LRRC4C: variants seen among roughly 807,000 people sequenced by gnomAD.
The protein encoded by LRRC4C is leucine-rich repeat-containing protein 4C.
Under a neutral mutation model 33.6 loss-of-function variants are expected in LRRC4C, and 5 were observed. That is an observed-to-expected ratio of 0.15 (90% CI 0.08 to 0.31). The LOEUF is 0.31. LRRC4C is among the 10% of genes least tolerant of loss of function. The probability of loss-of-function intolerance (pLI) is 1.00; values close to 1 mark genes in which losing one functional copy is unlikely to be tolerated. For synonymous variants in LRRC4C, 329 were observed against 302.0 expected, an observed-to-expected ratio of 1.09 and a Z score of -0.93; for missense variants, 560 against 796.7, an observed-to-expected ratio of 0.70 and a Z score of 3.58.
chr11:40,779,865 C>T (rs1950146941), intron 2 of LRRC4C, among the ~76,000 whole-genome samples: 1 of 152,132 alleles, frequency 6.6e-6, no homozygotes, highest in Admixed American at 6.5e-5. Flanking sequence ...CATTGGCTAA[C>T]ATGGATGGTG....
chr11:41,373,244 G>C (rs1467722535), intron 1 of LRRC4C, among the ~76,000 whole-genome samples: 3 of 151,832 alleles, frequency 2.0e-5, no homozygotes, highest in African/African-American at 7.3e-5. Context: ...TATATATACT[G>C]TATTTGACAT....
intron 3 of LRRC4C, among the ~76,000 whole-genome samples, chr11:40,568,700 A>G (rs986038853): frequency 6.6e-6 from 1 of 152,120 alleles, no homozygotes; most frequent in East Asian, 1.9e-4. Flanking sequence ...TAGTAGCCCT[A>G]TCCTGGAATC....
At chr11:40,271,222 C>G (rs1328612813) in intron 4 of LRRC4C, among the ~76,000 whole-genome samples, 1 of 152,144 alleles carries the variant, frequency 6.6e-6, no homozygotes, top group Non-Finnish European at 1.5e-5. Context: ...TTCCAGCAGA[C>G]TATAAGCCCT....
chr11:40,191,095 A>G (rs1379607585), intron 5 of LRRC4C, among the ~76,000 whole-genome samples: 3 of 152,262 alleles, frequency 2.0e-5, no homozygotes, highest in South Asian at 2.1e-4. Flanking sequence ...ACAACACATC[A>G]ATCAACCCAG....
intron 1 of LRRC4C, among the ~76,000 whole-genome samples, chr11:41,130,692 G>C (rs1247455990): frequency 1.3e-5 from 2 of 151,912 alleles, no homozygotes; most frequent in African/African-American, 4.8e-5. Context: ...TTGTTTCATA[G>C]AAAGCTTAGG....
At chr11:41,335,990 CATTT>C (rs1951439471) in intron 1 of LRRC4C, among the ~76,000 whole-genome samples, 1 of 152,124 alleles carries the variant, frequency 6.6e-6, no homozygotes, top group Non-Finnish European at 1.5e-5. Context: ...AATTTAGACC[CATTT>C]ATTTATGGAG....
intron 3 of LRRC4C, among the ~76,000 whole-genome samples, chr11:40,457,215 G>T (rs1952178530): frequency 6.6e-6 from 1 of 151,220 alleles, no homozygotes; most frequent in African/African-American, 2.4e-5. Context: ...TGATTGATAT[G>T]AAGTAGAGAA....
At chr11:40,986,523 T>G (rs1853016351) in intron 1 of LRRC4C, among the ~76,000 whole-genome samples, 1 of 151,798 alleles carries the variant, frequency 6.6e-6, no homozygotes, top group Non-Finnish European at 1.5e-5. Context: ...GTCATGGAGA[T>G]CAAAGCTGCA....
At chr11:40,745,519 A>G (rs1216475490) in intron 2 of LRRC4C, among the ~76,000 whole-genome samples, 1 of 152,222 alleles carries the variant, frequency 6.6e-6, no homozygotes, top group African/African-American at 2.4e-5. Context: ...TTAAATAACG[A>G]CTGAATTAGC....
intron 2 of LRRC4C, among the ~76,000 whole-genome samples, chr11:40,718,183 C>T (rs1002905938): frequency 6.6e-6 from 1 of 152,090 alleles, no homozygotes; most frequent in Non-Finnish European, 1.5e-5. Flanking sequence ...GGGCAGTGGC[C>T]GTCAGTCATG....
intron 1 of LRRC4C, among the ~76,000 whole-genome samples, chr11:41,420,287 C>A (rs1003718423): frequency 2.0e-5 from 3 of 151,906 alleles, no homozygotes; most frequent in Non-Finnish European, 4.4e-5. Flanking sequence ...AGAGGAAAAG[C>A]AGTTCACAGG....
At chr11:40,245,626 C>G (rs1049074257) in intron 4 of LRRC4C, among the ~76,000 whole-genome samples, 3 of 152,032 alleles carry the variant, frequency 2.0e-5, no homozygotes, top group African/African-American at 7.2e-5. Flanking sequence ...ATTCATTAAA[C>G]AAAATTATAG....
chr11:40,956,239 C>T (rs1002341050), intron 1 of LRRC4C, among the ~76,000 whole-genome samples: 1 of 151,726 alleles, frequency 6.6e-6, no homozygotes, highest in Non-Finnish European at 1.5e-5. Flanking sequence ...CATTTCATTC[C>T]TGGATTGTAA....
chr11:40,136,225 A>G (rs1489456511), intron 6 of LRRC4C, among the ~76,000 whole-genome samples: 5 of 151,554 alleles, frequency 3.3e-5, no homozygotes, highest in Non-Finnish European at 7.4e-5. Flanking sequence ...GGTCTCCTAA[A>G]AAAAAAAAAG....
At chr11:40,633,385 T>TTCTCTCTCTCTCTCTCTC (rs1205746867) in intron 3 of LRRC4C, among the ~76,000 whole-genome samples, 9 of 96,210 alleles carry the variant, frequency 9.4e-5, no homozygotes, top group Admixed American at 2.2e-4. Context: ...CTCTCTTTCT[T>TTCTCTCTCTCTCTCTCTC]TCTTTCTTTC....
At chr11:40,741,331 C>T (rs1414632476) in intron 2 of LRRC4C, among the ~76,000 whole-genome samples, 1 of 151,900 alleles carries the variant, frequency 6.6e-6, no homozygotes, top group African/African-American at 2.4e-5. Flanking sequence ...CATATATGTA[C>T]CCCCTAGCAC....
intron 2 of LRRC4C, among the ~76,000 whole-genome samples, chr11:40,687,923 A>G (rs1481660466): frequency 6.6e-6 from 1 of 152,098 alleles, no homozygotes; most frequent in Non-Finnish European, 1.5e-5. Flanking sequence ...CAGTAAGATC[A>G]TTATCTTATT....
At chr11:40,143,245 G>A (rs1192167343) in intron 5 of LRRC4C, among the ~76,000 whole-genome samples, 1 of 152,014 alleles carries the variant, frequency 6.6e-6, no homozygotes, top group Non-Finnish European at 1.5e-5. Context: ...TCCAATATCT[G>A]GTTTTCCTGC....
intron 3 of LRRC4C, among the ~76,000 whole-genome samples, chr11:40,509,706 G>T (rs1404570583): frequency 6.6e-6 from 1 of 151,894 alleles, no homozygotes; most frequent in African/African-American, 2.4e-5. Context: ...AGATATTTTT[G>T]ATTAAATAAA....
Sources: allele counts gnomAD v4.1 joint callset (sites outside exome capture counted in the v4.1 genomes callset), GRCh38; gene constraint gnomAD v4.1.1; transcripts MANE v1.5; gene names NCBI Gene and HGNC (gene_info 2026-07-23, HGNC 2026-07-21).